The following NAV1 variants were observed in gnomAD, a reference collection of about 807,000 sequenced individuals.
NAV1 encodes pore membrane and/or filament interacting like protein 3.
Under a neutral mutation model 175.2 loss-of-function variants are expected in NAV1, and 18 were observed. The ratio of observed to expected loss-of-function variants is 0.10; its 90% CI spans 0.07 to 0.15. The LOEUF (loss-of-function observed/expected upper bound fraction) is 0.15. NAV1 is among the 10% of genes least tolerant of loss of function. The pLI, the probability that NAV1 is intolerant of heterozygous loss-of-function variation, is 1.00. For synonymous variants in NAV1, 897 were observed against 978.7 expected (o/e 0.92, Z 1.56); for missense variants, 1,731 against 2,436.6 (o/e 0.71, Z 6.10).
chr1:201,546,386 A>T (rs963805934), intron 1 of NAV1, among the ~76,000 whole-genome samples: 3 of 152,218 alleles, frequency 2.0e-5, no homozygotes, highest in African/African-American at 7.2e-5. Context: ...CTCAGGGCCC[A>T]TGCGCAGTTC....
intron 1 of NAV1, among the ~76,000 whole-genome samples, chr1:201,650,792 G>A (rs1476385246): frequency 2.0e-5 from 3 of 152,184 alleles, no homozygotes; most frequent in African/African-American, 7.2e-5. Context: ...CTTTGCAGGG[G>A]CAATCAGGAG....
exon 30 of NAV1, chr1:201,825,497 C>T (rs1007235702): frequency 6.6e-6 from 1 of 152,072 alleles, no homozygotes; most frequent in Admixed American, 6.6e-5. Context: ...CAGGAAGGCC[C>T]CTTATCCACA....
At chr1:201,817,163 C>A (rs1679091371) in exon 29 of NAV1, 2 of 1,614,036 alleles carry the variant, frequency 1.2e-6, no homozygotes, top group African/African-American at 1.3e-5. Context: ...ATCAGCCCAA[C>A]AAGACCAATC....
chr1:201,754,837 A>T (rs910788168), intron 3 of NAV1, among the ~76,000 whole-genome samples: 9 of 152,210 alleles, frequency 5.9e-5, no homozygotes, highest in African/African-American at 2.2e-4. Flanking sequence ...AAAAATAGGG[A>T]AATAATGCGT....
chr1:201,697,924 T>C (rs545516341), intron 1 of NAV1, among the ~76,000 whole-genome samples: 2 of 152,210 alleles, frequency 1.3e-5, no homozygotes, highest in Non-Finnish European at 2.9e-5. Flanking sequence ...AAACAACAGC[T>C]CAGCTGTTAT....
At chr1:201,553,685 A>C (rs1309907242) in intron 1 of NAV1, among the ~76,000 whole-genome samples, 1 of 152,100 alleles carries the variant, frequency 6.6e-6, no homozygotes, top group African/African-American at 2.4e-5. Flanking sequence ...GCTCCCACCC[A>C]CTGTCTCCGT....
At chr1:201,583,234 G>A (rs560995733) in intron 1 of NAV1, among the ~76,000 whole-genome samples, 17 of 152,370 alleles carry the variant, frequency 1.1e-4, no homozygotes, top group Middle Eastern at 3.4e-3. Context: ...AGGCTCGCCC[G>A]TGTTGGTATA....
chr1:201,753,907 A>G (rs1674294347), intron 3 of NAV1, among the ~76,000 whole-genome samples: 1 of 152,204 alleles, frequency 6.6e-6, no homozygotes, highest in South Asian at 2.1e-4. Context: ...AAACCCAAGA[A>G]AATTCTTTGC....
chr1:201,737,792 G>A (rs1275268717), intron 3 of NAV1, among the ~76,000 whole-genome samples: 1 of 152,184 alleles, frequency 6.6e-6, no homozygotes, highest in Non-Finnish European at 1.5e-5. Context: ...AGCTAGATCT[G>A]GAGAAAAACA....
Position 201,787,774 on chromosome 1 carries a change from G to A in NAV1, c.2996-694G>A. 6.6e-6 allele frequency: 3 copies of A among 453,616 alleles called. No homozygotes were observed. Among genetic ancestry groups the A allele is most frequent in the Non-Finnish European group, 1.3e-5 (3 of 225,752 alleles). 28.1% of individuals were successfully genotyped at this position (453,616 alleles called of 1,614,324 possible). Reference sequence around the variant, plus strand: ...TCCCAGCAATGGGCAAAGGGGTAAGGCATCTGCAGGTTAACGGGATTCAGC... The same window carrying A: ...TCCCAGCAATGGGCAAAGGGGTAAGACATCTGCAGGTTAACGGGATTCAGC... On this transcript the variant is annotated intron_variant, in intron 9 of 29. Coordinates refer to ENST00000367296, the Ensembl canonical transcript of NAV1. This position sits in a 1 kb window ranked among gnomAD's most constrained non-coding sequence, Gnocchi z 4.3.
At chr1:201,620,758 C>T (rs151194357), upstream of NAV1, among the ~76,000 whole-genome samples, 1,079 of 151,120 alleles carry the variant, frequency 7.1e-3, 17 homozygotes, top group African/African-American at 0.024. Context: ...TGTGAGCCAC[C>T]GCACCCAGCC....
At chr1:201,720,944 A>G (rs901305772) in intron 3 of NAV1, among the ~76,000 whole-genome samples, 1 of 152,024 alleles carries the variant, frequency 6.6e-6, no homozygotes, top group African/African-American at 2.4e-5. Context: ...CCAGGGGCAT[A>G]GATAATAGGC....
Position 201,801,895 on chromosome 1 carries a change from G to A in NAV1, c.3518-1698G>A, listed in dbSNP as rs367950954. The stretch of plus-strand genomic sequence containing the variant: ...TCACCCCTGTAATCCCAGCACTTTG[G>A]GAGGCCGAGGCAAGTGGATCACCTG... On this transcript the variant is annotated intron_variant, in intron 15 of 29. Coordinates refer to ENST00000367296, the Ensembl canonical transcript of NAV1. Among the ~76,000 whole-genome samples, 33 of 152,034 alleles carry A rather than the reference G, an allele frequency of 2.2e-4. No homozygotes were observed. The East Asian group carries it at 5.8e-3, about 27-fold the overall frequency.
intron 3 of NAV1, among the ~76,000 whole-genome samples, chr1:201,768,199 C>T (rs1571472571): frequency 6.6e-6 from 1 of 151,950 alleles, no homozygotes; most frequent in Non-Finnish European, 1.5e-5. Flanking sequence ...GTGGTAATTA[C>T]ATGCCTGTAA....
At chr1:201,564,159 A>AAGGCAGGCAGGC (rs934292327) in intron 1 of NAV1, among the ~76,000 whole-genome samples, 2 of 150,386 alleles carry the variant, frequency 1.3e-5, no homozygotes, top group Admixed American at 6.6e-5. Flanking sequence ...GGAAGGAAGG[A>AAGGCAGGCAGGC]AGGCAGGCAG....
chr1:201,822,996 C>T (rs1679477686), exon 30 of NAV1: 1 of 152,656 alleles, frequency 6.6e-6, no homozygotes, highest in African/African-American at 2.4e-5. Flanking sequence ...CACCTACGTC[C>T]TGCTTCTTGG....
intron 1 of NAV1, among the ~76,000 whole-genome samples, chr1:201,675,178 A>C (rs1248745173): frequency 2.6e-5 from 4 of 152,144 alleles, no homozygotes; most frequent in African/African-American, 9.7e-5. Context: ...AACGGCCTCC[A>C]GACTACACCA....
Position 201,718,290 on chromosome 1 carries a change from C to A in NAV1, c.861-100C>A. The stretch of plus-strand genomic sequence containing the variant: ...GGCAGGTGGGGAGGAGGTGACAGGG[C>A]CTGTGGGTGGAGGGGAGGCATTGCT... On this transcript the variant is annotated intron_variant, in intron 2 of 29. Coordinates refer to ENST00000367296, the Ensembl canonical transcript of NAV1. This position sits in a 1 kb window ranked among gnomAD's most constrained non-coding sequence, Gnocchi z 4.8. The A allele has an allele frequency of 7.6e-7, 1 of 1,307,756 alleles. No homozygotes were observed. Among genetic ancestry groups the A allele is most frequent in the Non-Finnish European group, 1.0e-6 (1 of 996,720 alleles). 81.0% of individuals were successfully genotyped at this position (1,307,756 alleles called of 1,614,324 possible). A position where few individuals can be genotyped will look rare whatever the true frequency, so the allele number is the denominator to read the frequency against.
At chr1:201,607,869 A>ATT (rs1381522136) in intron 2 of NAV1, among the ~76,000 whole-genome samples, 61 of 81,020 alleles carry the variant, frequency 7.5e-4, no homozygotes, top group African/African-American at 2.6e-3. Context: ...TGATAACTTT[A>ATT]TTGTGTGTGT....
Sources: gnomAD v4.1 joint callset for allele counts (sites outside exome capture counted in the v4.1 genomes callset) on GRCh38, gnomAD v4.1.1 for gene constraint, Gnocchi (gnomAD v3.1) non-coding constraint, MANE v1.5 for transcripts, NCBI Gene and HGNC (gene_info 2026-07-23, HGNC 2026-07-21) for gene names.